The following CTNND2 variants were observed in gnomAD, a reference collection of about 807,000 sequenced individuals.
CTNND2 encodes the protein catenin delta 2.
In CTNND2, 22 loss-of-function variants were observed where a neutral mutation model predicts 144.4. The observed-to-expected ratio is 0.15, with a 90% confidence interval of 0.11 to 0.22. The LOEUF (loss-of-function observed/expected upper bound fraction) is 0.22. Among genes scored for constraint, CTNND2 ranks in the 10% least tolerant of loss-of-function variants. The pLI, the probability that CTNND2 is intolerant of heterozygous loss-of-function variation, is 1.00. For missense variants in CTNND2, 1,353 were observed against 1,618.8 expected (o/e 0.84, Z 2.82); for synonymous variants, 751 against 695.6 (o/e 1.08, Z -1.25).
intron 15 of CTNND2, among the ~76,000 whole-genome samples, chr5:11,096,607 C>T (rs200874025): frequency 1.3e-5 from 2 of 152,102 alleles, no homozygotes; most frequent in East Asian, 3.8e-4. Flanking sequence ...ACTTTTTGAA[C>T]ATATGGAATA....
At position 11,345,272 on chromosome 5, in the gene CTNND2, T is replaced by A. The variant is rs61750710; in HGVS notation, c.1628+1100A>T. The stretch of plus-strand genomic sequence containing the variant: ...ATCTAGATAACCAGTACACTGAACA[T>A]AGTAAACAAAAGAATGCTTCCGATT... On this transcript the variant is annotated intron_variant, in intron 9 of 21. Coordinates refer to ENST00000304623, the MANE Select transcript of CTNND2 (RefSeq NM_001332.4). Among the ~76,000 whole-genome samples, 444 of 152,290 alleles carry A rather than the reference T, an allele frequency of 2.9e-3. 3 individuals carry two copies. The highest frequency in any genetic ancestry group is 9.8e-3 in the African/African-American group (406 of 41,558).
intron 3 of CTNND2, among the ~76,000 whole-genome samples, chr5:11,465,326 T>C (rs536108887): frequency 6.6e-6 from 1 of 151,708 alleles, no homozygotes; most frequent in African/African-American, 2.4e-5. Flanking sequence ...TTGCATTCTC[T>C]TCCTGTCCCT....
intron 2 of CTNND2, 122 bp downstream of exon 2, chr5:11,732,014 A>G: frequency 1.2e-6 from 1 of 823,516 alleles, no homozygotes; most frequent in Non-Finnish European, 1.8e-6. Flanking sequence ...TATAATAAAT[A>G]CCAACACTCT....
chr5:11,549,349 G>A (rs1295288586), intron 3 of CTNND2, among the ~76,000 whole-genome samples: 3 of 152,030 alleles, frequency 2.0e-5, no homozygotes, highest in South Asian at 2.1e-4. Flanking sequence ...ATGAACAAAC[G>A]AATGGATGGA....
intron 16 of CTNND2, among the ~76,000 whole-genome samples, chr5:11,039,354 C>T (rs1744431149): frequency 1.3e-5 from 2 of 152,320 alleles, no homozygotes; most frequent in South Asian, 4.1e-4. Flanking sequence ...GGCTCCCCTG[C>T]AACAATCCAT....
chr5:11,648,674 T>C (rs563950078), intron 2 of CTNND2, among the ~76,000 whole-genome samples: 1 of 152,216 alleles, frequency 6.6e-6, no homozygotes, highest in Non-Finnish European at 1.5e-5. Flanking sequence ...TCATGATCTA[T>C]AATTTCAACT....
At chr5:11,589,774 T>C (rs911610343) in intron 2 of CTNND2, among the ~76,000 whole-genome samples, 1 of 152,184 alleles carries the variant, frequency 6.6e-6, no homozygotes, top group South Asian at 2.1e-4. Flanking sequence ...ACCAAATGGA[T>C]CCCAGGTCCA....
chr5:11,410,760 T>A (rs1007879251), intron 5 of CTNND2, among the ~76,000 whole-genome samples: 2 of 152,182 alleles, frequency 1.3e-5, no homozygotes, highest in Non-Finnish European at 2.9e-5. Context: ...CTTAGCATAG[T>A]ACTAAATAGA....
intron 9 of CTNND2, among the ~76,000 whole-genome samples, chr5:11,305,746 T>C (rs978487229): frequency 3.9e-5 from 6 of 152,306 alleles, no homozygotes; most frequent in African/African-American, 1.4e-4. Context: ...GGAAGGCTTT[T>C]AATAAATAAC....
At chr5:11,715,200 G>C (rs1786283959) in intron 2 of CTNND2, among the ~76,000 whole-genome samples, 1 of 152,142 alleles carries the variant, frequency 6.6e-6, no homozygotes, top group South Asian at 2.1e-4. Context: ...GAGCAGATGT[G>C]AATGATACTA....
intron 12 of CTNND2, among the ~76,000 whole-genome samples, chr5:11,133,026 T>G (rs1394406050): frequency 6.6e-6 from 1 of 152,184 alleles, no homozygotes; most frequent in Admixed American, 6.5e-5. Context: ...GAATACTGTA[T>G]TAAAAACAGA....
intron 2 of CTNND2, among the ~76,000 whole-genome samples, chr5:11,610,708 T>C (rs1271926635): frequency 6.6e-6 from 1 of 152,232 alleles, no homozygotes; most frequent in Non-Finnish European, 1.5e-5. Context: ...CAGAGAGTTC[T>C]ATTTATCTCT....
At chr5:11,638,901 GTT>G (rs576246838) in intron 2 of CTNND2, among the ~76,000 whole-genome samples, 3 of 152,242 alleles carry the variant, frequency 2.0e-5, no homozygotes, top group African/African-American at 7.2e-5. Flanking sequence ...AACAAGGCAG[GTT>G]TCTTATTTCT....
At chr5:11,425,633 C>A (rs31892) in intron 3 of CTNND2, among the ~76,000 whole-genome samples, 47,757 of 151,958 alleles carry the variant, frequency 0.31, 10,244 homozygotes, top group African/African-American at 0.62. Flanking sequence ...CGTTCTTAAG[C>A]TATTTAGAGC....
chr5:11,072,398 C>T (rs1412541639), intron 16 of CTNND2, among the ~76,000 whole-genome samples: 1 of 152,180 alleles, frequency 6.6e-6, no homozygotes, highest in Non-Finnish European at 1.5e-5. Flanking sequence ...GGAAATAAGC[C>T]ACTCTATGCT....
intron 2 of CTNND2, among the ~76,000 whole-genome samples, chr5:11,665,956 T>C (rs1225309532): frequency 1.3e-5 from 2 of 152,168 alleles, no homozygotes; most frequent in Non-Finnish European, 2.9e-5. Flanking sequence ...TCAGGAATCA[T>C]ATATATTATG....
At chr5:11,882,007 G>A (rs1448235772) in intron 1 of CTNND2, among the ~76,000 whole-genome samples, 1 of 151,768 alleles carries the variant, frequency 6.6e-6, no homozygotes, top group Non-Finnish European at 1.5e-5. Flanking sequence ...ATTTTTTCAT[G>A]TACCTGTTAG....
intron 1 of CTNND2, among the ~76,000 whole-genome samples, chr5:11,881,981 AT>A (rs1736152631): frequency 6.6e-6 from 1 of 152,020 alleles, no homozygotes; most frequent in South Asian, 2.1e-4. Flanking sequence ...TTCCCTGATG[AT>A]TAGAGCTGTA....
chr5:11,865,367 G>C (rs1048983202), intron 1 of CTNND2, among the ~76,000 whole-genome samples: 1 of 152,130 alleles, frequency 6.6e-6, no homozygotes, highest in Non-Finnish European at 1.5e-5. Context: ...ATTTCAAAGA[G>C]CCTGATATGG....
Sources: allele counts gnomAD v4.1 joint callset (sites outside exome capture counted in the v4.1 genomes callset), GRCh38; gene constraint gnomAD v4.1.1; transcripts MANE v1.5; gene names NCBI Gene and HGNC (gene_info 2026-07-23, HGNC 2026-07-21).